Variants in CSMD1 observed in about 807,000 individuals in gnomAD.
The protein encoded by CSMD1 is CUB and Sushi multiple domains 1.
A neutral mutation model predicts 417.5 loss-of-function variants in CSMD1; 213 were observed. The ratio of observed to expected loss-of-function variants is 0.51; its 90% CI spans 0.46 to 0.57. The LOEUF is 0.57. CSMD1 is among the 20% of genes least tolerant of loss of function. The pLI, the probability that CSMD1 is intolerant of heterozygous loss-of-function variation, is 0.00. For missense variants in CSMD1, 6,923 were observed against 4,529.7 expected, an observed-to-expected ratio of 1.53 and a Z score of -15.17; for synonymous variants, 2,862 against 1,736.8, an observed-to-expected ratio of 1.65 and a Z score of -16.11.
intron 10 of CSMD1, among the ~76,000 whole-genome samples, chr8:3,509,892 T>C (rs557989995): frequency 6.6e-6 from 1 of 152,266 alleles, no homozygotes; most frequent in Admixed American, 6.5e-5. Context: ...GGGGAACTCA[T>C]GCCCCAGTGA....
At chr8:4,846,717 A>C (rs1379085822) in intron 1 of CSMD1, among the ~76,000 whole-genome samples, 1 of 152,200 alleles carries the variant, frequency 6.6e-6, no homozygotes, top group African/African-American at 2.4e-5. Flanking sequence ...TTTAGATTAA[A>C]ATCTTGTTCT....
chr8:4,247,863 A>G (rs907566678), intron 3 of CSMD1, among the ~76,000 whole-genome samples: 2 of 152,196 alleles, frequency 1.3e-5, no homozygotes, highest in African/African-American at 4.8e-5. Context: ...ATCGTTATAG[A>G]AATACAATGT....
chr8:4,404,757 TA>T, intron 3 of CSMD1, among the ~76,000 whole-genome samples: 2 of 152,190 alleles, frequency 1.3e-5, no homozygotes, highest in South Asian at 4.1e-4. Context: ...ATGGCACATA[TA>T]AATGAAAGTT....
At chr8:3,858,135 T>C (rs923464064) in intron 5 of CSMD1, among the ~76,000 whole-genome samples, 1 of 152,220 alleles carries the variant, frequency 6.6e-6, no homozygotes, top group African/African-American at 2.4e-5. Flanking sequence ...CTTAGCTATC[T>C]CTCACTAGAG....
intron 2 of CSMD1, among the ~76,000 whole-genome samples, chr8:4,475,534 G>A (rs1800753237): frequency 6.6e-6 from 1 of 152,102 alleles, no homozygotes; most frequent in Non-Finnish European, 1.5e-5. Context: ...TAACTAGAAA[G>A]TTTCATCTAT....
At chr8:4,276,082 A>G (rs1397375778) in intron 3 of CSMD1, among the ~76,000 whole-genome samples, 1 of 152,172 alleles carries the variant, frequency 6.6e-6, no homozygotes, top group East Asian at 1.9e-4. Context: ...AAGGATCTAG[A>G]ACTTGAAATA....
At chr8:4,012,614 T>A (rs752985063) in intron 4 of CSMD1, among the ~76,000 whole-genome samples, 1 of 152,090 alleles carries the variant, frequency 6.6e-6, no homozygotes, top group African/African-American at 2.4e-5. Context: ...CTATGTCATC[T>A]GTATGTCTAC....
chr8:4,954,575 T>C (rs374010792), intron 1 of CSMD1, among the ~76,000 whole-genome samples: 1 of 152,238 alleles, frequency 6.6e-6, no homozygotes, highest in African/African-American at 2.4e-5. Flanking sequence ...ACACATTTTA[T>C]CTACTTAGAA....
intron 1 of CSMD1, among the ~76,000 whole-genome samples, chr8:4,658,831 A>C (rs143392121): frequency 6.6e-6 from 1 of 152,176 alleles, no homozygotes; most frequent in Non-Finnish European, 1.5e-5. Flanking sequence ...ATGAGGATAT[A>C]ATATGTTCCT....
intron 7 of CSMD1, among the ~76,000 whole-genome samples, chr8:3,629,290 G>T (rs1796656153): frequency 7.1e-6 from 1 of 141,344 alleles, no homozygotes; most frequent in African/African-American, 2.6e-5. Context: ...TTAATGGAAA[G>T]CAGAGACTCT....
chr8:3,706,633 C>A (rs376788723), intron 7 of CSMD1, among the ~76,000 whole-genome samples: 1 of 152,196 alleles, frequency 6.6e-6, no homozygotes, highest in Non-Finnish European at 1.5e-5. Context: ...CTCAATCTTA[C>A]AGTAGCAGAA....
chr8:3,350,874 A>G (rs1482762469), intron 21 of CSMD1, among the ~76,000 whole-genome samples: 1 of 152,212 alleles, frequency 6.6e-6, no homozygotes, highest in African/African-American at 2.4e-5. Context: ...CAGATATATA[A>G]TAAATGGTAG....
At position 4,041,306 on chromosome 8, in the gene CSMD1, C is replaced by A. The variant is rs1192712048; in HGVS notation, c.416-9207G>T. Among the ~76,000 whole-genome samples the A allele has an allele frequency of 2.0e-5, 3 of 152,040 alleles. No individual in the cohort carries two copies. The South Asian group carries it at 6.2e-4, about 31-fold the overall frequency. ...TACGGGGATTACATGCGTGAGCCAC[C>A]GCGCCTGGCCGGGCCTTTGCCATTT... On this transcript the variant is annotated intron_variant, in intron 3 of 69. Transcript: ENST00000635120.
rs138779713 is a variant in CSMD1, at chr8:3,891,583, T to C, written c.818+106320A>G. On this transcript the variant is annotated intron_variant, in intron 5 of 69. Coordinates refer to ENST00000635120, the MANE Select transcript of CSMD1 (RefSeq NM_033225.6). ...CTGTAGTCTCAACTAGTTGGGAGGC[T>C]GAGATGCGAGGATTGTTTGAGCCCA... Among the ~76,000 whole-genome samples the C allele has an allele frequency of 9.7e-4, 148 of 152,104 alleles. 1 individual carries two copies. Among genetic ancestry groups the C allele is most frequent in the African/African-American group, 3.1e-3 (128 of 41,486 alleles).
At chr8:4,308,429 G>A (rs1432816105) in intron 3 of CSMD1, among the ~76,000 whole-genome samples, 1 of 152,010 alleles carries the variant, frequency 6.6e-6, no homozygotes, top group Non-Finnish European at 1.5e-5. Context: ...TGGAAAGTCT[G>A]ATGATGGGAA....
chr8:4,508,845 G>T (rs1003137516), intron 2 of CSMD1, among the ~76,000 whole-genome samples: 3 of 151,110 alleles, frequency 2.0e-5, no homozygotes. Context: ...GTTTTTTTTT[G>T]GAATGTAAGC....
At chr8:3,983,305 T>G (rs1274610856) in intron 5 of CSMD1, among the ~76,000 whole-genome samples, 1 of 152,000 alleles carries the variant, frequency 6.6e-6, no homozygotes, top group Non-Finnish European at 1.5e-5. Context: ...TAATTTTTTG[T>G]ATTTTTAGTA....
At chr8:4,342,581 C>T (rs963725909) in intron 3 of CSMD1, among the ~76,000 whole-genome samples, 1 of 151,898 alleles carries the variant, frequency 6.6e-6, no homozygotes, top group Non-Finnish European at 1.5e-5. Flanking sequence ...GACACTTCCC[C>T]ATAAGGTTAC....
chr8:3,246,653 A>G (rs1799902230), intron 26 of CSMD1, among the ~76,000 whole-genome samples: 1 of 152,048 alleles, frequency 6.6e-6, no homozygotes, highest in South Asian at 2.1e-4. Context: ...TGAATTTTTG[A>G]AAGAGACGGG....
Sources: gnomAD v4.1 joint callset for allele counts (sites outside exome capture counted in the v4.1 genomes callset) on GRCh38, gnomAD v4.1.1 for gene constraint, MANE v1.5 for transcripts, NCBI Gene and HGNC (gene_info 2026-07-23, HGNC 2026-07-21) for gene names.